Variants in SAMD12 observed in about 807,000 individuals in gnomAD.
SAMD12 encodes sterile alpha motif domain containing 12, also known as sterile alpha motif domain-containing protein 12.
A neutral mutation model predicts 15.0 loss-of-function variants in SAMD12; 9 were observed. The ratio of observed to expected loss-of-function variants is 0.60; its 90% CI spans 0.36 to 1.05. The LOEUF (loss-of-function observed/expected upper bound fraction) is 1.05. Ranked by LOEUF, SAMD12 falls within the 50% of genes least tolerant of loss-of-function variation. SAMD12 has a pLI of 0.01. For synonymous variants in SAMD12, 86 were observed against 90.1 expected (o/e 0.96, Z 0.25); for missense variants, 230 against 234.2 (o/e 0.98, Z 0.12).
chr8:118,450,511 CA>C (rs535401002), intron 2 of SAMD12, among the ~76,000 whole-genome samples: 1 of 152,088 alleles, frequency 6.6e-6, no homozygotes, highest in Non-Finnish European at 1.5e-5. Flanking sequence ...TACCAAGGGG[CA>C]AATCCCTCTG....
chr8:118,500,021 T>A (rs2515056), intron 2 of SAMD12, among the ~76,000 whole-genome samples: 94,496 of 148,200 alleles, frequency 0.64, 30,819 homozygotes, highest in African/African-American at 0.77. Flanking sequence ...CCCACATACA[T>A]GAAGATGTTG....
intron 2 of SAMD12, among the ~76,000 whole-genome samples, chr8:118,491,383 G>A (rs768631715): frequency 6.6e-6 from 1 of 152,096 alleles, no homozygotes; most frequent in Non-Finnish European, 1.5e-5. Context: ...CTTATTTAAT[G>A]ACTTTCTTAC....
intron 2 of SAMD12, among the ~76,000 whole-genome samples, chr8:118,444,896 A>T (rs1822864429): frequency 6.6e-6 from 1 of 152,214 alleles, no homozygotes; most frequent in Admixed American, 6.5e-5. Context: ...ACAAACTCTT[A>T]ACTAGGTGAG....
intron 1 of SAMD12, among the ~76,000 whole-genome samples, chr8:118,594,839 A>G (rs1224024720): frequency 6.6e-6 from 1 of 152,202 alleles, no homozygotes; most frequent in Non-Finnish European, 1.5e-5. Flanking sequence ...TTGATATACA[A>G]GCATCCTTCG....
At chr8:118,507,395 C>T (rs766923538) in intron 2 of SAMD12, among the ~76,000 whole-genome samples, 19 of 152,088 alleles carry the variant, frequency 1.2e-4, no homozygotes, top group Admixed American at 5.9e-4. Flanking sequence ...AAGTTTAACA[C>T]GACAATATCT....
At chr8:118,577,328 A>C (rs1311915007) in intron 2 of SAMD12, among the ~76,000 whole-genome samples, 1 of 152,218 alleles carries the variant, frequency 6.6e-6, no homozygotes, top group Non-Finnish European at 1.5e-5. Context: ...TATTCTGCCC[A>C]AAATGAATAC....
chr8:118,615,667 C>T (rs1828222062), intron 1 of SAMD12, among the ~76,000 whole-genome samples: 3 of 152,216 alleles, frequency 2.0e-5, no homozygotes, highest in Non-Finnish European at 2.9e-5. Context: ...TATGTCACCA[C>T]GTCATCCACT....
chr8:118,536,228 A>G (rs572922174), intron 2 of SAMD12, among the ~76,000 whole-genome samples: 39 of 151,896 alleles, frequency 2.6e-4, no homozygotes, highest in Non-Finnish European at 4.1e-4. Context: ...CACCCCCTCT[A>G]TCTGTTTTCT....
intron 1 of SAMD12, among the ~76,000 whole-genome samples, chr8:118,592,564 A>C (rs1279823888): frequency 6.6e-6 from 1 of 152,232 alleles, no homozygotes; most frequent in African/African-American, 2.4e-5. Context: ...GAATAATTAA[A>C]GCATATTTAA....
chr8:118,360,411 T>C (rs1209688833), intron 4 of SAMD12, among the ~76,000 whole-genome samples: 5 of 152,106 alleles, frequency 3.3e-5, no homozygotes, highest in Non-Finnish European at 7.4e-5. Flanking sequence ...AACAAAAGAA[T>C]GGTTTATTTA....
At chr8:118,321,186 T>TATATATATATATATATATATATA (rs1816257301) in intron 4 of SAMD12, among the ~76,000 whole-genome samples, 2 of 121,528 alleles carry the variant, frequency 1.6e-5, no homozygotes, top group Non-Finnish European at 3.4e-5. Flanking sequence ...TATATATATA[T>TATATATATATATATATATATATA]TCTTCATCAG....
intron 4 of SAMD12, among the ~76,000 whole-genome samples, chr8:118,336,718 A>G (rs1817090855): frequency 6.6e-6 from 1 of 152,188 alleles, no homozygotes; most frequent in Non-Finnish European, 1.5e-5. Context: ...TGCCATTCTA[A>G]TTACTGTGGC....
At chr8:118,558,241 A>T (rs1033554676) in intron 2 of SAMD12, among the ~76,000 whole-genome samples, 3 of 152,246 alleles carry the variant, frequency 2.0e-5, no homozygotes, top group South Asian at 4.1e-4. Context: ...CAGGGTTCTA[A>T]CTTTGCCCAA....
intron 2 of SAMD12, among the ~76,000 whole-genome samples, chr8:118,539,345 T>C (rs1337843885): frequency 1.3e-5 from 2 of 152,202 alleles, no homozygotes; most frequent in Non-Finnish European, 2.9e-5. Flanking sequence ...TTGGCTGGCA[T>C]AGAACATGAG....
chr8:118,302,077 A>ATTTTTTTTTTTTT (rs1815061746), intron 4 of SAMD12, among the ~76,000 whole-genome samples: 1 of 70,964 alleles, frequency 1.4e-5, no homozygotes, highest in African/African-American at 9.1e-5. Flanking sequence ...GATCTTTGAG[A>ATTTTTTTTTTTTT]GTTTTTTTTT....
intron 4 of SAMD12, among the ~76,000 whole-genome samples, chr8:118,270,248 C>T (rs1246314493): frequency 6.6e-6 from 1 of 152,048 alleles, no homozygotes; most frequent in Non-Finnish European, 1.5e-5. Context: ...ATAACATTAG[C>T]CAAAATACCC....
chr8:118,287,297 T>A (rs1330386413), intron 4 of SAMD12, among the ~76,000 whole-genome samples: 2 of 151,738 alleles, frequency 1.3e-5, no homozygotes, highest in Admixed American at 1.3e-4. Context: ...GCTAATTTTT[T>A]TGTATTTTTA....
intron 2 of SAMD12, among the ~76,000 whole-genome samples, chr8:118,440,680 ACACACACACACACACAAAC>A (rs1822720014): frequency 6.7e-6 from 1 of 148,964 alleles, no homozygotes; most frequent in African/African-American, 2.5e-5. Context: ...ACACACACAC[ACACACACACACACACAAAC>A]ACACACACAC....
intron 4 of SAMD12, among the ~76,000 whole-genome samples, chr8:118,277,740 AG>A (rs1302472375): frequency 6.6e-6 from 1 of 152,200 alleles, no homozygotes; most frequent in Non-Finnish European, 1.5e-5. Context: ...TCCATGAAAT[AG>A]TTATTACTAC....
Sources: gnomAD v4.1 joint callset for allele counts (sites outside exome capture counted in the v4.1 genomes callset) on GRCh38, gnomAD v4.1.1 for gene constraint, MANE v1.5 for transcripts, NCBI Gene and HGNC (gene_info 2026-07-23, HGNC 2026-07-21) for gene names.